Variants in RSPRY1 observed in about 807,000 individuals in gnomAD.
RSPRY1 encodes ring finger and SPRY domain containing 1.
A neutral mutation model predicts 73.1 loss-of-function variants in RSPRY1; 23 were observed. That is an observed-to-expected ratio of 0.31 (90% CI 0.23 to 0.45). The LOEUF (loss-of-function observed/expected upper bound fraction) is 0.45. Ranked by LOEUF, RSPRY1 falls within the 20% of genes least tolerant of loss-of-function variation. RSPRY1 has a pLI of 1.00. For synonymous variants in RSPRY1, 226 were observed against 251.4 expected (o/e 0.90, Z 0.95); for missense variants, 448 against 698.7 (o/e 0.64, Z 4.05).
rs1250819301 is a variant in RSPRY1, at chr16:57,231,189, A to G, written c.1399A>G (p.Ser467Gly). ...STVSGFFAAA[S>G]FMSYQQCEFN... ...TAGATCTGGATTTTTTGCTGCAGCT[A>G]GTTTCATGTCATATCAACAATGTGA... The change falls in exon 13 of 15, where the codon AGT becomes GGT. Residue 467 changes from serine (S) to glycine (G), a missense_variant. Transcript: ENST00000394420. 3 of 1,613,034 alleles carry G rather than the reference A, an allele frequency of 1.9e-6. No homozygotes were observed. Among genetic ancestry groups the G allele is most frequent in the Non-Finnish European group, 2.5e-6 (3 of 1,179,622 alleles).
At chr16:57,203,209 T>C (rs1434858324) in intron 1 of RSPRY1, among the ~76,000 whole-genome samples, 8 of 152,090 alleles carry the variant, frequency 5.3e-5, no homozygotes, top group Admixed American at 4.6e-4. Context: ...GGTAGGAGAA[T>C]TGCTTGAACC....
chr16:57,192,905 A>G (rs1244212878), intron 1 of RSPRY1, among the ~76,000 whole-genome samples: 1 of 152,038 alleles, frequency 6.6e-6, no homozygotes, highest in Non-Finnish European at 1.5e-5. Flanking sequence ...TTGTAGAAAC[A>G]GGGTTTCGCC....
At chr16:57,235,349 C>G in intron 14 of RSPRY1, 121 bp downstream of exon 14, 1 of 678,468 alleles carries the variant, frequency 1.5e-6, no homozygotes, top group Non-Finnish European at 2.5e-6. Context: ...TTAAGTAGAA[C>G]CTGGCTGTCT....
intron 1 of RSPRY1, among the ~76,000 whole-genome samples, chr16:57,187,265 G>C (rs2074238585): frequency 6.6e-6 from 1 of 152,178 alleles, no homozygotes; most frequent in Non-Finnish European, 1.5e-5. Context: ...CCCCTTGCGT[G>C]AGTCCAAATT....
chr16:57,204,195 C>T (rs898785497), intron 1 of RSPRY1, among the ~76,000 whole-genome samples: 1 of 151,832 alleles, frequency 6.6e-6, no homozygotes. Context: ...ATGCACACAT[C>T]CTTCTAATGT....
intron 13 of RSPRY1, among the ~76,000 whole-genome samples, chr16:57,231,949 A>C (rs931007006): frequency 6.6e-5 from 10 of 152,216 alleles, no homozygotes; most frequent in Middle Eastern, 3.2e-3. Context: ...TTGTGAGATG[A>C]ATGTAGTCTA....
At chr16:57,234,738 G>A (rs1213951669) in intron 13 of RSPRY1, among the ~76,000 whole-genome samples, 1 of 152,196 alleles carries the variant, frequency 6.6e-6, no homozygotes, top group Non-Finnish European at 1.5e-5. Context: ...ATAAAAACTT[G>A]TATATGTGTG....
At position 57,239,045 on chromosome 16, in the gene RSPRY1, A is replaced by G. The variant is rs1181916021; in HGVS notation, c.*70A>G. 5 of 812,206 alleles carry G rather than the reference A, an allele frequency of 6.2e-6. 1 individual carries two copies. The highest frequency in any genetic ancestry group is 2.7e-5 in the East Asian group (1 of 37,340). The allele number at this position is 812,206 out of a possible 1,614,324, so 50.3% of individuals were successfully genotyped here. On this transcript the variant is annotated 3_prime_UTR_variant, in exon 15 of 15. Coordinates refer to ENST00000394420, the MANE Select transcript of RSPRY1 (RefSeq NM_133368.3). ...CCAATGTTGAAAAGAAAAAGAAAAA[A>G]AAAACTCTCTAATCAGTTGTACACA...
chr16:57,237,279 G>C (rs2075314192), intron 14 of RSPRY1, among the ~76,000 whole-genome samples: 1 of 151,506 alleles, frequency 6.6e-6, no homozygotes, highest in South Asian at 2.1e-4. Flanking sequence ...GAGTAGCTTG[G>C]ATTACAGGCG....
intron 2 of RSPRY1, 90 bp from the exon 3 acceptor site, chr16:57,207,967 CT>C: frequency 1.3e-6 from 1 of 795,826 alleles, no homozygotes; most frequent in Non-Finnish European, 2.1e-6. Flanking sequence ...TCTTCTGTCC[CT>C]TTTTACCTCC....
intron 1 of RSPRY1, among the ~76,000 whole-genome samples, chr16:57,197,665 A>C (rs1407181000): frequency 6.6e-6 from 1 of 152,166 alleles, no homozygotes; most frequent in East Asian, 1.9e-4. Context: ...TTTGGAAAAA[A>C]ACTTAATTTT....
At position 57,204,866 on chromosome 16, in the gene RSPRY1, A is replaced by G. The variant is rs1254523615; in HGVS notation, c.208A>G (p.Thr70Ala). The G allele has an allele frequency of 6.2e-7, 1 of 1,614,188 alleles. No homozygotes were observed. Among genetic ancestry groups the G allele is most frequent in the African/African-American group, 1.3e-5 (1 of 75,056 alleles). Reference protein sequence around the residue: ...QQQAENSAVPTADTRSQPRDP... With the variant: ...QQQAENSAVPAADTRSQPRDP... The stretch of plus-strand genomic sequence containing the variant: ...ACAGGCCGAGAACAGTGCAGTACCC[A>G]CTGCTGACACAAGGAGCCAACCACG... The change falls in exon 2 of 15, where the codon ACT (threonine) becomes GCT (alanine). Residue 70 changes from threonine to alanine, a missense_variant. Physicochemically the swap from Thr to Ala is moderately conservative, Grantham distance 58. Transcript: ENST00000394420.
At chr16:57,189,150 G>A (rs575596260) in intron 1 of RSPRY1, among the ~76,000 whole-genome samples, 5 of 151,478 alleles carry the variant, frequency 3.3e-5, no homozygotes, top group African/African-American at 9.7e-5. Flanking sequence ...AGCACCACCC[G>A]TGCCTGGCTA....
Position 57,231,281 on chromosome 16 carries a change from C to T in RSPRY1, c.1491C>T (p.Tyr497=), listed in dbSNP as rs772296693. The part of the protein sequence containing the change: ...PSMKFSTFND[Y]AFLTAEEKII... ...TGAAATTTAGCACTTTTAATGACTA[C>T]GCCTTCCTAACAGCTGAAGAAAAAA... is the stretch of plus-strand genomic sequence containing the variant. The change falls in exon 13 of 15, where the codon TAC becomes TAT. Residue 497 remains tyrosine, a synonymous_variant. Transcript: ENST00000394420. The T allele has an allele frequency of 6.2e-6, 10 of 1,613,554 alleles. No individual in the cohort carries two copies. The highest frequency in any genetic ancestry group is 5.0e-5 in the Admixed American group (3 of 59,992).
At chr16:57,188,377 T>C (rs2074289318) in intron 1 of RSPRY1, among the ~76,000 whole-genome samples, 1 of 152,110 alleles carries the variant, frequency 6.6e-6, no homozygotes, top group South Asian at 2.1e-4. Flanking sequence ...GATCCCTCTA[T>C]GAGATTGTAA....
At chr16:57,220,883 A>T in intron 9 of RSPRY1, 36 bp downstream of exon 9, 1 of 1,388,230 alleles carries the variant, frequency 7.2e-7, no homozygotes, top group Non-Finnish European at 1.0e-6. Flanking sequence ...CCTTTGGGGG[A>T]TGAGAGGGTA....
intron 4 of RSPRY1, 55 bp from the exon 5 acceptor site, chr16:57,212,917 G>A: frequency 1.9e-6 from 3 of 1,548,540 alleles, no homozygotes; most frequent in Non-Finnish European, 2.6e-6. Flanking sequence ...AATGAGCCTG[G>A]GAAAACAACC....
intron 4 of RSPRY1, among the ~76,000 whole-genome samples, chr16:57,212,598 A>G (rs2074863937): frequency 6.6e-6 from 1 of 152,094 alleles, no homozygotes; most frequent in African/African-American, 2.4e-5. Flanking sequence ...TTCTGAGTTT[A>G]TTTAACACCT....
rs1567521131 is a variant in RSPRY1 at position 57,238,885 on chromosome 16, G to T, written c.1641G>T (p.Leu547=). The T allele has an allele frequency of 6.2e-7, 1 of 1,601,800 alleles. No homozygotes were observed. The highest frequency in any genetic ancestry group is 8.5e-7 in the Non-Finnish European group (1 of 1,173,082). The change falls in exon 15 of 15, where the codon CTG becomes CTT. Residue 547 remains leucine, a synonymous_variant. Transcript: ENST00000394420. The part of the protein sequence containing the change: ...TQLKPCGHSD[L]CMDCALQLET... The stretch of plus-strand genomic sequence containing the variant: ...TTTCTGTGTTTCTCCCCAGTGACCT[G>T]TGCATGGATTGTGCCTTGCAGCTGG...
Sources: allele counts gnomAD v4.1 joint callset (sites outside exome capture counted in the v4.1 genomes callset), GRCh38; gene constraint gnomAD v4.1.1; transcripts MANE v1.5; gene names NCBI Gene and HGNC (gene_info 2026-07-23, HGNC 2026-07-21).